Variants in RRM2 observed in about 807,000 individuals in gnomAD.
RRM2 encodes ribonucleoside-diphosphate reductase subunit M2.
Under a neutral mutation model 45.9 loss-of-function variants are expected in RRM2, and 6 were observed. The observed-to-expected ratio is 0.13, with a 90% CI of 0.07 to 0.26. The LOEUF (loss-of-function observed/expected upper bound fraction) is 0.26, where lower values mean the gene tolerates loss of function less well. Ranked by LOEUF, RRM2 falls within the 10% of genes least tolerant of loss-of-function variation. The probability of loss-of-function intolerance (pLI) is 1.00; values close to 1 mark genes in which losing one functional copy is unlikely to be tolerated. For synonymous variants in RRM2, 177 were observed against 173.0 expected (o/e 1.02, Z -0.18); for missense variants, 343 against 489.5 (o/e 0.70, Z 2.82).
rs1031376478 is a variant in RRM2 at position 10,171,068 on chromosome 2, A to G, written n.482+28693A>G. ...ATGACCCTCCACACTGAGCAGACCC[A>G]GCACAGGCTGCGCCACTCATCATTA... On this transcript the variant is annotated intron_variant and non_coding_transcript_variant, in intron 3 of 3. Transcript: ENST00000381786. This position sits in a 1 kb window ranked among gnomAD's most constrained non-coding sequence, Gnocchi z 4.1. Among the ~76,000 whole-genome samples, 22 of 152,182 alleles carry G rather than the reference A, an allele frequency of 1.4e-4. No homozygotes were observed. The highest frequency in any genetic ancestry group is 7.2e-4 in the Admixed American group (11 of 15,278).
At chr2:10,199,911 G>A (rs371513069) in intron 3 of RRM2, among the ~76,000 whole-genome samples, 1 of 151,074 alleles carries the variant, frequency 6.6e-6, no homozygotes, top group Admixed American at 6.6e-5. Context: ...TCAGCTCACT[G>A]CAACCTCCAC....
chr2:10,126,842 G>A, intron 5 of RRM2, 33 bp from the exon 6 acceptor site: 15 of 1,547,094 alleles, frequency 9.7e-6, no homozygotes, highest in Non-Finnish European at 1.2e-5. Flanking sequence ...TTACTGTAAT[G>A]CTTCAATTGC....
At position 10,200,588 on chromosome 2, in the gene RRM2, GCGCGCAAAATATGAGGCC is replaced by G. The variant is rs1219757777; in HGVS notation, n.483-9721_483-9704del. Among the ~76,000 whole-genome samples the G allele has an allele frequency of 3.4e-3, 95 of 28,014 alleles. 18 individuals carry two copies. Among genetic ancestry groups the G allele is most frequent in the South Asian group, 7.8e-3 (6 of 766 alleles). 18.4% of individuals were successfully genotyped at this position (28,014 alleles called of 152,430 possible). On this transcript the variant is annotated intron_variant and non_coding_transcript_variant, in intron 3 of 3. Coordinates refer to the RRM2 transcript ENST00000381786. ...AAAATATGAGGCCCACAGGGACCGC[GCGCGCAAAATATGAGGCC>G]CACAGGGACCGCGCGCGCAAAATAT...
downstream of RRM2, among the ~76,000 whole-genome samples, chr2:10,132,787 G>A (rs1014165761): frequency 6.6e-6 from 1 of 152,154 alleles, no homozygotes; most frequent in East Asian, 1.9e-4. Context: ...GCACAAGTTC[G>A]GGGCAGCCAG....
intron 3 of RRM2, among the ~76,000 whole-genome samples, chr2:10,152,184 G>A (rs975662994): frequency 2.6e-5 from 4 of 152,004 alleles, no homozygotes; most frequent in East Asian, 1.9e-4. Flanking sequence ...TCCTGACCTC[G>A]TGATCCGCCT....
At position 10,123,151 on chromosome 2, in the gene RRM2, C is replaced by G. The variant is rs536433842; in HGVS notation, c.174+94C>G. 2,990 of 1,400,994 alleles carry G rather than the reference C, an allele frequency of 2.1e-3. 6 individuals are homozygous for G. Among genetic ancestry groups the G allele is most frequent in the Admixed American group, 6.3e-3 (248 of 39,438 alleles). 86.8% of individuals were successfully genotyped at this position (1,400,994 alleles called of 1,614,324 possible). ...TTTCCTCAGCTGTTCACACTCCCGC[C>G]CCGGCTCCTTTCCCGCCTAGGCGGC... On this transcript the variant is annotated intron_variant, in intron 2 of 9. Coordinates refer to ENST00000304567, the MANE Select transcript of RRM2 (RefSeq NM_001034.4).
chr2:10,188,157 GT>G (rs1326546698), intron 3 of RRM2, among the ~76,000 whole-genome samples: 1 of 152,196 alleles, frequency 6.6e-6, no homozygotes, highest in African/African-American at 2.4e-5. Flanking sequence ...CCCACTTTGG[GT>G]GAGTATGAGC....
intron 3 of RRM2, among the ~76,000 whole-genome samples, chr2:10,186,215 T>C (rs1299088619): frequency 1.3e-5 from 2 of 152,190 alleles, no homozygotes; most frequent in Non-Finnish European, 2.9e-5. Context: ...AGTGGGGAAG[T>C]GTGGACCATA....
chr2:10,176,899 G>A (rs755101716), intron 3 of RRM2, among the ~76,000 whole-genome samples: 2 of 152,138 alleles, frequency 1.3e-5, no homozygotes, highest in Non-Finnish European at 2.9e-5. Flanking sequence ...TCATAGGGTA[G>A]GCAATTGTTT....
chr2:10,154,238 C>T (rs1663376111), intron 3 of RRM2, among the ~76,000 whole-genome samples: 1 of 152,254 alleles, frequency 6.6e-6, no homozygotes, highest in Non-Finnish European at 1.5e-5. Flanking sequence ...CTTTGGGAGG[C>T]CTAGGCGGGC....
At chr2:10,167,696 A>C (rs970280465) in intron 3 of RRM2, among the ~76,000 whole-genome samples, 1 of 152,172 alleles carries the variant, frequency 6.6e-6, no homozygotes, top group African/African-American at 2.4e-5. Context: ...CGATGTCCCC[A>C]GCCTGGGTGG....
At chr2:10,161,835 G>A (rs543208106) in intron 3 of RRM2, among the ~76,000 whole-genome samples, 4 of 152,194 alleles carry the variant, frequency 2.6e-5, no homozygotes, top group African/African-American at 4.8e-5. Context: ...CATCCCTAAC[G>A]TCACACAGCT....
intron 3 of RRM2, among the ~76,000 whole-genome samples, chr2:10,198,379 A>G (rs1461986405): frequency 6.6e-6 from 1 of 151,508 alleles, no homozygotes; most frequent in Non-Finnish European, 1.5e-5. Context: ...CCCTGCTGCC[A>G]AGCTGAGTCT....
At chr2:10,142,050 C>G (rs1390823074) in intron 2 of RRM2, 1 of 1,595,096 alleles carries the variant, frequency 6.3e-7, no homozygotes, top group African/African-American at 1.3e-5. Flanking sequence ...CCAGAGGGAG[C>G]CAGAGGATGT....
chr2:10,200,463 C>T (rs1354631830), intron 3 of RRM2, among the ~76,000 whole-genome samples: 1 of 83,620 alleles, frequency 1.2e-5, no homozygotes, highest in Non-Finnish European at 2.8e-5. Context: ...ACAGGGACCG[C>T]GCGCGCAAAA....
exon 4 of RRM2, chr2:10,210,739 G>T (rs929511574): frequency 1.8e-5 from 11 of 603,120 alleles, no homozygotes; most frequent in Non-Finnish European, 2.6e-5. Flanking sequence ...TGGACTGAAT[G>T]CCTGTGTCCC....
intron 3 of RRM2, among the ~76,000 whole-genome samples, chr2:10,163,044 G>A (rs970122199): frequency 1.3e-5 from 2 of 152,160 alleles, no homozygotes; most frequent in African/African-American, 4.8e-5. Context: ...CAGTGAAGCA[G>A]GTAATTATGT....
At chr2:10,153,243 A>G (rs773133612) in intron 3 of RRM2, among the ~76,000 whole-genome samples, 7 of 152,120 alleles carry the variant, frequency 4.6e-5, no homozygotes, top group African/African-American at 7.2e-5. Flanking sequence ...CTGAGGAAGG[A>G]GAATCACTTG....
chr2:10,190,632 G>T (rs1434340304), intron 3 of RRM2, among the ~76,000 whole-genome samples: 4 of 150,410 alleles, frequency 2.7e-5, no homozygotes, highest in Non-Finnish European at 3.0e-5. Flanking sequence ...GGTGGCAATG[G>T]TGGTGGTGAT....
Sources: allele counts gnomAD v4.1 joint callset (sites outside exome capture counted in the v4.1 genomes callset), GRCh38; gene constraint gnomAD v4.1.1; non-coding constraint Gnocchi (gnomAD v3.1); transcripts MANE v1.5; gene names NCBI Gene and HGNC (gene_info 2026-07-23, HGNC 2026-07-21).